Variants in RAI1 observed in about 807,000 individuals in gnomAD.
The protein encoded by RAI1 is retinoic acid induced 1, also known as retinoic acid-induced protein 1.
RAI1 carries 9 observed loss-of-function variants against 123.8 expected under a neutral mutation model. That is an observed-to-expected ratio of 0.07 (90% confidence interval 0.04 to 0.13). The LOEUF is 0.13. RAI1 is among the 10% of genes least tolerant of loss of function. The pLI, the probability that RAI1 is intolerant of heterozygous loss-of-function variation, is 1.00. For synonymous variants in RAI1, 1,231 were observed against 1,127.3 expected, an observed-to-expected ratio of 1.09 and a Z score of -1.84; for missense variants, 2,256 against 2,545.8, an observed-to-expected ratio of 0.89 and a Z score of 2.45.
Position 17,796,356 on chromosome 17 carries a change from G to A in RAI1, c.3408G>A (p.Thr1136=), listed in dbSNP as rs779995817. 21 of 1,613,402 alleles carry A rather than the reference G, an allele frequency of 1.3e-5. No individual in the cohort carries two copies. The highest frequency in any genetic ancestry group is 8.0e-5 in the African/African-American group (6 of 74,928). The change falls in exon 3 of 6, where the codon ACG becomes ACA. Residue 1136 remains threonine, a synonymous_variant. Transcript: ENST00000353383. This position sits in a 1 kb window ranked among gnomAD's most constrained non-coding sequence, Gnocchi z 5.8. The part of the protein sequence containing the change: ...SKTKETDSPS[T]PGKDQRSMIL... ...CCAAGGAGACAGACTCACCCAGCAC[G>A]CCTGGCAAGGACCAGCGCTCCATGA...
Position 17,811,245 on chromosome 17 carries a change from G to A in RAI1, c.*1264G>A, listed in dbSNP as rs1379303600. 1 of 339,052 alleles carries A rather than the reference G, an allele frequency of 2.9e-6. No individual in the cohort carries two copies. The highest frequency in any genetic ancestry group is 8.8e-5 in the East Asian group (1 of 11,316). The allele number at this position is 339,052 out of a possible 1,614,324, so 21.0% of individuals were successfully genotyped here. A position where few individuals can be genotyped will look rare whatever the true frequency, so the allele number is the denominator to read the frequency against. On this transcript the variant is annotated 3_prime_UTR_variant, in exon 6 of 6. Transcript: ENST00000353383. ...GCCTCGTTATATAGTGTATATATATGTATACATATACATATATATAATATA... is the reference window on the plus strand; with the variant it reads ...GCCTCGTTATATAGTGTATATATATATATACATATACATATATATAATATA...
At chr17:17,693,060 T>C (rs189405296) in intron 1 of RAI1, among the ~76,000 whole-genome samples, 33 of 152,368 alleles carry the variant, frequency 2.2e-4, no homozygotes, top group Non-Finnish European at 3.8e-4. Flanking sequence ...GCTCAGGCTG[T>C]GTAGGGCTTC....
In RAI1 at chr17:17,793,591, T is replaced by C. The variant is rs1555564927; in HGVS notation, c.643T>C (p.Ser215Pro). 6 of 1,613,598 alleles carry C rather than the reference T, an allele frequency of 3.7e-6. No homozygotes were observed. The highest frequency in any genetic ancestry group is 5.1e-6 in the Non-Finnish European group (6 of 1,179,946). ...QGTHFPQHSQ[S>P]FPTSSTYSSS... Reference sequence around the variant, plus strand: ...TACCCACTTTCCTCAGCATTCCCAGTCCTTCCCCACCTCCTCCACCTACTC... The same window carrying C: ...TACCCACTTTCCTCAGCATTCCCAGCCCTTCCCCACCTCCTCCACCTACTC... The change falls in exon 3 of 6, where the codon TCC becomes CCC. Residue 215 changes from serine (S) to proline (P), a missense_variant. By Grantham distance (74) the Ser-to-Pro change is moderately conservative. Coordinates refer to ENST00000353383, the MANE Select transcript of RAI1 (RefSeq NM_030665.4).
At chr17:17,712,028 C>T (rs1915581724) in intron 1 of RAI1, among the ~76,000 whole-genome samples, 2 of 152,240 alleles carry the variant, frequency 1.3e-5, no homozygotes, top group Admixed American at 1.3e-4. Flanking sequence ...CAAATGCTGG[C>T]TCCGTTAACA....
chr17:17,789,973 G>T (rs1167560523), intron 2 of RAI1, among the ~76,000 whole-genome samples: 1 of 152,072 alleles, frequency 6.6e-6, no homozygotes, highest in African/African-American at 2.4e-5. Context: ...CAATCTGCCT[G>T]CTAGGCCACT....
At chr17:17,708,893 G>A (rs1050398595) in intron 1 of RAI1, among the ~76,000 whole-genome samples, 10 of 152,230 alleles carry the variant, frequency 6.6e-5, no homozygotes, top group African/African-American at 2.4e-4. Context: ...AGCTGCCAGG[G>A]TTTGGAGTTG....
At chr17:17,724,771 C>T (rs1916021748) in intron 2 of RAI1, among the ~76,000 whole-genome samples, 1 of 152,130 alleles carries the variant, frequency 6.6e-6, no homozygotes, top group African/African-American at 2.4e-5. Context: ...GGCCCCTCCT[C>T]GCCGCCCGCC....
chr17:17,752,276 C>T (rs955671992), intron 2 of RAI1, among the ~76,000 whole-genome samples: 2 of 152,236 alleles, frequency 1.3e-5, no homozygotes, highest in African/African-American at 4.8e-5. Context: ...TTTGTGTTCG[C>T]ACATGCCCCA....
At position 17,795,064 on chromosome 17, in the gene RAI1, C is replaced by G. The variant is rs759197176; in HGVS notation, c.2116C>G (p.Leu706Val). Residue 706 changes from leucine to valine, a missense_variant, in exon 3 of 6, where the codon CTC becomes GTC. Leu to Val is a conservative substitution (Grantham distance 32). This residue lies in a region of RAI1 where 566 missense variants were observed against 616.0 expected (regional missense o/e 0.92). Transcript: ENST00000353383. This position sits in a 1 kb window ranked among gnomAD's most constrained non-coding sequence, Gnocchi z 5.9. ...TGACCCCAAAAAGACAACTGGTCCTCTCTCCTTTGGTACCAAGCCCACCCT... is the reference window on the plus strand; with the variant it reads ...TGACCCCAAAAAGACAACTGGTCCTGTCTCCTTTGGTACCAAGCCCACCCT... The part of the protein sequence containing the change: ...TPDPKKTTGP[L>V]SFGTKPTLGV... 5.0e-6 allele frequency: 8 copies of G among 1,614,182 alleles called. No homozygotes were observed. Among genetic ancestry groups the G allele is most frequent in the Non-Finnish European group, 6.8e-6 (8 of 1,180,046 alleles).
In RAI1 at chr17:17,797,089, G is replaced by A. The variant is rs1488655076; in HGVS notation, c.4141G>A (p.Gly1381Ser). The part of the protein sequence containing the change: ...AGGSPVGVEE[G>S]LVNVGTGQKL... ...GGGCAGCCCAGTGGGGGTGGAAGAA[G>A]GCCTGGTAAATGTGGGCACCGGGCA... The change falls in exon 3 of 6, where the codon GGC becomes AGC. Residue 1381 changes from glycine (G) to serine (S), a missense_variant. By Grantham distance (56) the Gly-to-Ser change is moderately conservative. Coordinates refer to ENST00000353383, the MANE Select transcript of RAI1 (RefSeq NM_030665.4). The A allele has an allele frequency of 1.2e-6, 2 of 1,613,932 alleles. No homozygotes were observed. Among genetic ancestry groups the A allele is most frequent in the African/African-American group, 2.7e-5 (2 of 74,930 alleles).
intron 2 of RAI1, among the ~76,000 whole-genome samples, chr17:17,749,169 C>T (rs2030052349): frequency 6.6e-6 from 1 of 152,252 alleles, no homozygotes; most frequent in African/African-American, 2.4e-5. Context: ...CTCTTAGCAC[C>T]AGCTCGCCTG....
chr17:17,806,123 A>G (rs2032588593), intron 4 of RAI1, among the ~76,000 whole-genome samples: 1 of 152,208 alleles, frequency 6.6e-6, no homozygotes. Context: ...GGGAGACCAG[A>G]CGGGAAGGAG....
intron 2 of RAI1, among the ~76,000 whole-genome samples, chr17:17,758,791 AG>A (rs2030558848): frequency 1.3e-5 from 2 of 152,178 alleles, no homozygotes; most frequent in Non-Finnish European, 2.9e-5. Context: ...GATGCTGGGC[AG>A]GGTTTTGAAG....
intron 2 of RAI1, among the ~76,000 whole-genome samples, chr17:17,754,678 C>A (rs760037187): frequency 9.2e-5 from 14 of 152,186 alleles, no homozygotes; most frequent in Non-Finnish European, 2.1e-4. Context: ...CAAATAATAT[C>A]CGACAGCCTG....
intron 1 of RAI1, among the ~76,000 whole-genome samples, chr17:17,691,592 T>G (rs1011846937): frequency 1.3e-5 from 2 of 152,088 alleles, no homozygotes; most frequent in African/African-American, 4.8e-5. Context: ...AGGCAGAAAG[T>G]GCAGGAGTGT....
At chr17:17,755,724 C>T (rs1417436911) in intron 2 of RAI1, among the ~76,000 whole-genome samples, 1 of 152,210 alleles carries the variant, frequency 6.6e-6, no homozygotes, top group African/African-American at 2.4e-5. Context: ...CATCCTGACC[C>T]TCAGATTTGG....
At chr17:17,731,336 C>T (rs11653774) in intron 2 of RAI1, among the ~76,000 whole-genome samples, 1 of 152,214 alleles carries the variant, frequency 6.6e-6, no homozygotes, top group Non-Finnish European at 1.5e-5. Flanking sequence ...CCCAAAGGGA[C>T]AGGGGCTGGG....
chr17:17,780,714 G>T (rs2031544673), intron 2 of RAI1, among the ~76,000 whole-genome samples: 1 of 152,098 alleles, frequency 6.6e-6, no homozygotes, highest in Non-Finnish European at 1.5e-5. Flanking sequence ...GCCTTTGAGG[G>T]TGCTGCAGTT....
intron 2 of RAI1, among the ~76,000 whole-genome samples, chr17:17,790,979 T>A (rs1350079594): frequency 1.3e-5 from 2 of 152,222 alleles, no homozygotes; most frequent in Admixed American, 1.3e-4. Flanking sequence ...TCCTGTAATG[T>A]TTTATCCAAG....
Sources: allele counts gnomAD v4.1 joint callset (sites outside exome capture counted in the v4.1 genomes callset), GRCh38; gene constraint gnomAD v4.1.1; regional missense constraint gnomAD v4.1.1; non-coding constraint Gnocchi (gnomAD v3.1); transcripts MANE v1.5; gene names NCBI Gene and HGNC (gene_info 2026-07-23, HGNC 2026-07-21).